The following PKP2 variants were observed in gnomAD, a reference collection of about 807,000 sequenced individuals.
PKP2 encodes plakophilin-2.
In PKP2, 73 loss-of-function variants were observed where a neutral mutation model predicts 83.4. The observed-to-expected ratio is 0.88, with a 90% confidence interval of 0.72 to 1.06. PKP2 has a LOEUF of 1.06. Among genes scored for constraint, PKP2 ranks in the 50% least tolerant of loss-of-function variants. The pLI, the probability that PKP2 is intolerant of heterozygous loss-of-function variation, is 0.00. For missense variants in PKP2, 966 were observed against 1,065.4 expected (o/e 0.91, Z 1.30); for synonymous variants, 409 against 430.4 (o/e 0.95, Z 0.62).
chr12:32,852,049 C>T lies in PKP2; in HGVS notation c.1171-1076G>A, dbSNP rs147535644. On this transcript the variant is annotated intron_variant, in intron 4 of 12. Transcript: ENST00000340811. ...TATGATCTAAAGAAATCAGACACAG[C>T]GTTGGTGAAATAAAACATTAGGTTG... is the stretch of plus-strand genomic sequence containing the variant. Among the ~76,000 whole-genome samples the T allele has an allele frequency of 2.8e-3, 419 of 152,262 alleles. 2 individuals carry two copies. Among genetic ancestry groups the T allele is most frequent in the African/African-American group, 9.5e-3 (395 of 41,542 alleles).
At chr12:32,844,240 A>G (rs2137841013) in intron 5 of PKP2, among the ~76,000 whole-genome samples, 1 of 152,344 alleles carries the variant, frequency 6.6e-6, no homozygotes, top group Non-Finnish European at 1.5e-5. Context: ...GCTGTGAAAG[A>G]ACTAAGATGT....
intron 3 of PKP2, among the ~76,000 whole-genome samples, chr12:32,872,539 A>C (rs551574713): frequency 3.4e-3 from 514 of 152,158 alleles, no homozygotes; most frequent in Non-Finnish European, 6.1e-3. Flanking sequence ...TGTCTCAAAA[A>C]AAAACAAAAC....
chr12:32,850,272 C>T (rs1220342705), intron 5 of PKP2, among the ~76,000 whole-genome samples: 1 of 152,122 alleles, frequency 6.6e-6, no homozygotes, highest in African/African-American at 2.4e-5. Context: ...TCAGGCTGGG[C>T]GCAGTGGCTC....
intron 8 of PKP2, chr12:32,821,821 C>G (rs1956381886): frequency 2.7e-6 from 1 of 373,758 alleles, no homozygotes; most frequent in Admixed American, 4.1e-5. Context: ...TTTCAGGCTG[C>G]TGTTGAGCTA....
At chr12:32,890,107 AC>A (rs1957065495) in intron 1 of PKP2, among the ~76,000 whole-genome samples, 2 of 148,040 alleles carry the variant, frequency 1.4e-5, no homozygotes, top group Admixed American at 6.7e-5. Flanking sequence ...AGAAAAGCTG[AC>A]TTTGTTCATT....
At chr12:32,859,040 A>T (rs1956777983) in intron 4 of PKP2, among the ~76,000 whole-genome samples, 1 of 152,158 alleles carries the variant, frequency 6.6e-6, no homozygotes, top group Non-Finnish European at 1.5e-5. Context: ...TTGCACTTCT[A>T]TTTCTACCAG....
intron 10 of PKP2, among the ~76,000 whole-genome samples, chr12:32,800,174 A>G (rs1487767909): frequency 6.6e-6 from 1 of 152,146 alleles, no homozygotes; most frequent in Non-Finnish European, 1.5e-5. Flanking sequence ...AATACTGCCT[A>G]ATTTTATTGT....
rs756166702 is a variant in PKP2, at chr12:32,878,412, C to T, written c.468G>A (p.Pro156=). ...CGCTGTGCGTGTAGTGAGCCCTCTC[C>T]GGGCTGCTGTCAGGAGAAATCTCCA... ...RRLEISPDSS[P]ERAHYTHSDY... is the part of the protein sequence containing the mutation. The change falls in exon 3 of 13, where the codon CCG becomes CCA. Residue 156 remains proline (P), a synonymous_variant. Coordinates refer to ENST00000340811, the MANE Select transcript of PKP2 (RefSeq NM_001005242.3). 38 of 1,613,822 alleles carry T rather than the reference C, an allele frequency of 2.4e-5. No homozygotes were observed. Among genetic ancestry groups the T allele is most frequent in the South Asian group, 1.4e-4 (13 of 91,080 alleles).
intron 6 of PKP2, among the ~76,000 whole-genome samples, chr12:32,838,376 AC>A (rs1956561251): frequency 1.3e-5 from 2 of 152,158 alleles, no homozygotes; most frequent in South Asian, 2.1e-4. Flanking sequence ...TCTATTGGGT[AC>A]TAAGTTCACT....
intron 10 of PKP2, among the ~76,000 whole-genome samples, chr12:32,798,146 A>G (rs11052244): frequency 0.21 from 28,507 of 134,092 alleles, 3,405 homozygotes; most frequent in East Asian, 0.57. Flanking sequence ...GTGCAATGGC[A>G]CGATCTCATC....
chr12:32,859,518 A>C (rs890028973), intron 4 of PKP2, among the ~76,000 whole-genome samples: 2 of 151,998 alleles, frequency 1.3e-5, no homozygotes, highest in African/African-American at 2.4e-5. Context: ...GTACACTGGC[A>C]TGATCTTGGC....
chr12:32,811,970 T>C (rs886903591), intron 9 of PKP2, among the ~76,000 whole-genome samples: 1 of 152,170 alleles, frequency 6.6e-6, no homozygotes, highest in African/African-American at 2.4e-5. Flanking sequence ...TGGCTCCATG[T>C]GGGGCATTGT....
intron 10 of PKP2, among the ~76,000 whole-genome samples, chr12:32,801,926 C>A (rs1241024316): frequency 6.6e-6 from 1 of 152,068 alleles, no homozygotes; most frequent in African/African-American, 2.4e-5. Flanking sequence ...TTGTGATTAT[C>A]TGTTTATCCA....
At chr12:32,841,443 A>G (rs1384256924) in intron 5 of PKP2, among the ~76,000 whole-genome samples, 1 of 152,216 alleles carries the variant, frequency 6.6e-6, no homozygotes, top group East Asian at 1.9e-4. Flanking sequence ...GTGCAGGTTT[A>G]AACTAATCAG....
At chr12:32,805,823 T>G (rs969859178) in intron 9 of PKP2, among the ~76,000 whole-genome samples, 1 of 152,222 alleles carries the variant, frequency 6.6e-6, no homozygotes, top group African/African-American at 2.4e-5. Context: ...TTAAAATAGT[T>G]TTTTCCAATT....
intron 5 of PKP2, among the ~76,000 whole-genome samples, chr12:32,848,378 T>A (rs1214684061): frequency 6.6e-6 from 1 of 152,110 alleles, no homozygotes; most frequent in African/African-American, 2.4e-5. Context: ...TGAGCTGAGA[T>A]CATGCCACTG....
intron 9 of PKP2, 44 bp downstream of exon 9, chr12:32,821,312 A>C: frequency 6.5e-7 from 1 of 1,531,780 alleles, no homozygotes; most frequent in East Asian, 2.3e-5. Context: ...GTATGTCTAC[A>C]ATATCATTAT....
At position 32,796,289 on chromosome 12, in the gene PKP2, G is replaced by A. The variant is rs2137708917; in HGVS notation, c.2177C>T (p.Thr726Ile). ...AATGATGGAAACCAAATCAGGGAGAGTTTCTTTGGCTACAAAATGAAAAAA... is the reference window on the plus strand; with the variant it reads ...AATGATGGAAACCAAATCAGGGAGAATTTCTTTGGCTACAAAATGAAAAAA... ...LSLQNEIAKE[T>I]LPDLVSIIPD... The change falls in exon 11 of 13, where the codon ACT becomes ATT. Residue 726 changes from threonine to isoleucine, a missense_variant. Transcript: ENST00000340811. The A allele has an allele frequency of 1.3e-6, 2 of 1,598,594 alleles. No individual in the cohort carries two copies. The highest frequency in any genetic ancestry group is 1.7e-6 in the Non-Finnish European group (2 of 1,169,186).
At chr12:32,827,655 C>A (rs1007142560) in intron 6 of PKP2, among the ~76,000 whole-genome samples, 1 of 152,096 alleles carries the variant, frequency 6.6e-6, no homozygotes, top group Non-Finnish European at 1.5e-5. Context: ...CCATACATTA[C>A]CCAATGGTGG....
Sources: allele counts gnomAD v4.1 joint callset (sites outside exome capture counted in the v4.1 genomes callset), GRCh38; gene constraint gnomAD v4.1.1; transcripts MANE v1.5; gene names NCBI Gene and HGNC (gene_info 2026-07-23, HGNC 2026-07-21).